NET1: variants seen among roughly 807,000 people sequenced by gnomAD.
The protein encoded by NET1 is neuroepithelial cell-transforming gene 1 protein.
In NET1, 42 loss-of-function variants were observed where a neutral mutation model predicts 61.1. That is an observed-to-expected ratio of 0.69 (90% CI 0.54 to 0.89). NET1 has a LOEUF of 0.89. Ranked by LOEUF, NET1 falls within the 40% of genes least tolerant of loss-of-function variation. The pLI is 0.00. For missense variants in NET1, 654 were observed against 747.3 expected, an observed-to-expected ratio of 0.88 and a Z score of 1.46; for synonymous variants, 254 against 281.8, an observed-to-expected ratio of 0.90 and a Z score of 0.99.
rs755619787 is a variant in NET1, at chr10:5,412,779, G to C, written c.87G>C (p.Thr29=). ...CTGGGCTCAGCACGGAGGGAGCGAC[G>C]GGGCCTTCGGCCGACACCTCCGGGT... ...RASGLSTEGA[T]GPSADTSGSE... Residue 29 remains threonine (T), a synonymous_variant, in exon 1 of 12, where the codon ACG becomes ACC. Coordinates refer to ENST00000355029, the MANE Select transcript of NET1 (RefSeq NM_001047160.3). The surrounding 1 kb of genome is among the most constrained non-coding windows in gnomAD (Gnocchi z 6.5). The C allele has an allele frequency of 1.2e-5, 17 of 1,460,014 alleles. No individual in the cohort carries two copies. Among genetic ancestry groups the C allele is most frequent in the African/African-American group, 5.9e-5 (4 of 67,550 alleles). 90.4% of individuals were successfully genotyped at this position (1,460,014 alleles called of 1,614,324 possible).
Position 5,449,341 on chromosome 10 carries a change from G to T in NET1, c.256-2489G>T, listed in dbSNP as rs1278241279. On this transcript the variant is annotated intron_variant, in intron 3 of 11. Coordinates refer to ENST00000355029, the MANE Select transcript of NET1 (RefSeq NM_001047160.3). The surrounding 1 kb of genome is among the most constrained non-coding windows in gnomAD (Gnocchi z 4.4). ...ATCATCCCCAAAAGCATGTGAAAAA[G>T]TGCAAAGTGCCCTCCTCCTTTCTCT... Among the ~76,000 whole-genome samples the T allele has an allele frequency of 6.6e-6, 1 of 152,086 alleles. No homozygotes were observed. The highest frequency in any genetic ancestry group is 1.5e-5 in the Non-Finnish European group (1 of 68,018).
At chr10:5,434,488 C>T (rs567436054) in intron 3 of NET1, among the ~76,000 whole-genome samples, 52 of 152,262 alleles carry the variant, frequency 3.4e-4, no homozygotes, top group Middle Eastern at 3.4e-3. Context: ...TATTCTGAGA[C>T]TAGTATGCCA....
chr10:5,456,510 A>G lies in NET1; in HGVS notation c.1385-78A>G. 2 of 1,370,678 alleles carry G rather than the reference A, an allele frequency of 1.5e-6. No homozygotes were observed. Among genetic ancestry groups the G allele is most frequent in the Non-Finnish European group, 2.0e-6 (2 of 1,005,788 alleles). 84.9% of individuals were successfully genotyped at this position (1,370,678 alleles called of 1,614,324 possible). On this transcript the variant is annotated intron_variant, in intron 11 of 11. Coordinates refer to ENST00000355029, the MANE Select transcript of NET1 (RefSeq NM_001047160.3). This position sits in a 1 kb window ranked among gnomAD's most constrained non-coding sequence, Gnocchi z 7.0. ...ATTGCCATAAATTGACAGTCACGTT[A>G]AGATTGTATGACCACTTTGTCTAGA...
intron 1 of NET1, among the ~76,000 whole-genome samples, chr10:5,425,517 A>G (rs1445286464): frequency 6.6e-6 from 1 of 152,234 alleles, no homozygotes; most frequent in East Asian, 1.9e-4. Context: ...AATAACTGCC[A>G]GCTTCCTAAT....
At position 5,458,769 on chromosome 10, in the gene NET1, C is replaced by T. The variant is rs1299480552; in HGVS notation, c.*1775C>T. ...ATTTCAGATTTTAATGTAAGTACCT[C>T]AGGTTCTTGTCTTTGGAAATTCACA... On this transcript the variant is annotated 3_prime_UTR_variant, in exon 12 of 12. Coordinates refer to ENST00000355029, the MANE Select transcript of NET1 (RefSeq NM_001047160.3). This position sits in a 1 kb window ranked among gnomAD's most constrained non-coding sequence, Gnocchi z 4.5. 6.6e-6 allele frequency among the ~76,000 whole-genome samples: 1 copy of T among 152,158 alleles called. No individual in the cohort carries two copies. Among genetic ancestry groups the T allele is most frequent in the African/African-American group, 2.4e-5 (1 of 41,432 alleles).
chr10:5,450,071 CA>C (rs1832680639), intron 3 of NET1, among the ~76,000 whole-genome samples: 2 of 152,186 alleles, frequency 1.3e-5, no homozygotes, highest in Non-Finnish European at 2.9e-5. Flanking sequence ...GTGTGTCAGT[CA>C]GTCAGCACAG....
intron 3 of NET1, among the ~76,000 whole-genome samples, chr10:5,436,240 ATATATATATTTTTT>A (rs1644557278): frequency 4.3e-5 from 1 of 23,316 alleles, no homozygotes; most frequent in Non-Finnish European, 9.4e-5. Context: ...ATATATATAT[ATATATATATTTTTT>A]TTTTTTTTTT....
In NET1 at chr10:5,423,758, CCCA is replaced by C. The variant is rs1381824360; in HGVS notation, c.129-2895_129-2893del. 2.0e-5 allele frequency among the ~76,000 whole-genome samples: 3 copies of C among 151,982 alleles called. No homozygotes were observed. In the South Asian group the frequency reaches 6.2e-4, roughly 32 times the overall value. On this transcript the variant is annotated intron_variant, in intron 1 of 11. Coordinates refer to ENST00000355029, the MANE Select transcript of NET1 (RefSeq NM_001047160.3). The surrounding 1 kb of genome is among the most constrained non-coding windows in gnomAD (Gnocchi z 4.4). ...AATGTTTTATGAAATCATTTTTTTCCCCACAAGGATTTAAAATAGCTATTACAT... is the reference window on the plus strand; with the variant it reads ...AATGTTTTATGAAATCATTTTTTTCCCAAGGATTTAAAATAGCTATTACAT...
chr10:5,422,045 T>C lies in NET1; in HGVS notation c.129-4610T>C, dbSNP rs1472333834. ...GATAATGCTGCTATGAACATTTGCA[T>C]GTAAGTCTTAGTGTAGGCTGGGCGC... On this transcript the variant is annotated intron_variant, in intron 1 of 11. Transcript: ENST00000355029. The surrounding 1 kb of genome is among the most constrained non-coding windows in gnomAD (Gnocchi z 4.1). Among the ~76,000 whole-genome samples the C allele has an allele frequency of 1.3e-5, 2 of 152,246 alleles. No individual in the cohort carries two copies. The highest frequency in any genetic ancestry group is 6.5e-5 in the Admixed American group (1 of 15,284).
rs1009375485 is a variant in NET1 at position 5,423,280 on chromosome 10, G to C, written c.129-3375G>C. Among the ~76,000 whole-genome samples the C allele has an allele frequency of 2.0e-5, 3 of 152,050 alleles. No individual in the cohort carries two copies. Among genetic ancestry groups the C allele is most frequent in the Non-Finnish European group, 4.4e-5 (3 of 67,976 alleles). ...TGAAAATATTTATAATTTCAGGTCA[G>C]GTCTTATCTGGCATGATGGAGGAGG... On this transcript the variant is annotated intron_variant, in intron 1 of 11. Transcript: ENST00000355029. This position sits in a 1 kb window ranked among gnomAD's most constrained non-coding sequence, Gnocchi z 4.4.
In NET1 at chr10:5,412,611, C is replaced by G; in HGVS notation, c.-82C>G. 1.4e-6 allele frequency: 2 copies of G among 1,390,030 alleles called. No homozygotes were observed. The highest frequency in any genetic ancestry group is 1.9e-6 in the Non-Finnish European group (2 of 1,073,694). 86.1% of individuals were successfully genotyped at this position (1,390,030 alleles called of 1,614,324 possible). A position where few individuals can be genotyped will look rare whatever the true frequency, so the allele number is the denominator to read the frequency against. On this transcript the variant is annotated 5_prime_UTR_variant, in exon 1 of 12. Transcript: ENST00000355029. The surrounding 1 kb of genome is among the most constrained non-coding windows in gnomAD (Gnocchi z 6.5). The stretch of plus-strand genomic sequence containing the variant: ...CAGTCCGCTGACAGGCGCTTTCTGC[C>G]TGGCAGAGGCTGGCGGGCATCGTGC...
At position 5,453,724 on chromosome 10, in the gene NET1, T is replaced by TA. The variant is rs200149854; in HGVS notation, c.768+179dup. 3.4e-3 allele frequency among the ~76,000 whole-genome samples: 476 copies of TA among 139,648 alleles called. 3 individuals carry two copies. The highest frequency in any genetic ancestry group is 7.5e-3 in the Middle Eastern group (2 of 268). The allele number at this position is 139,648 out of a possible 152,430, so 91.6% of individuals were successfully genotyped here. ...GTGACATAAGAAGTTACAGTCTGTT[T>TA]AAAAAAAAAAAAAAACACCTTCATT... On this transcript the variant is annotated intron_variant, in intron 8 of 11. Transcript: ENST00000355029. This position sits in a 1 kb window ranked among gnomAD's most constrained non-coding sequence, Gnocchi z 4.9.
At position 5,457,007 on chromosome 10, in the gene NET1, G is replaced by C; in HGVS notation, c.*13G>C. ...GACTTTGGTGTAGAGAAGGCTCTGTGTGTTAACTGATGGGAGAGACTGTTT... is the reference window on the plus strand; with the variant it reads ...GACTTTGGTGTAGAGAAGGCTCTGTCTGTTAACTGATGGGAGAGACTGTTT... On this transcript the variant is annotated 3_prime_UTR_variant, in exon 12 of 12. Transcript: ENST00000355029. This position sits in a 1 kb window ranked among gnomAD's most constrained non-coding sequence, Gnocchi z 5.4. 1 of 1,526,032 alleles carries C rather than the reference G, an allele frequency of 6.6e-7. No homozygotes were observed. The highest frequency in any genetic ancestry group is 1.8e-4 in the Middle Eastern group (1 of 5,654). 94.5% of individuals were successfully genotyped at this position (1,526,032 alleles called of 1,614,324 possible).
At chr10:5,419,915 G>A (rs901785451) in intron 1 of NET1, among the ~76,000 whole-genome samples, 1 of 151,924 alleles carries the variant, frequency 6.6e-6, no homozygotes, top group African/African-American at 2.4e-5. Context: ...AATAACAAGT[G>A]TTTTTTTCTC....
rs1161552584 is a variant in NET1, at chr10:5,456,952, C to T, written c.1749C>T (p.Asp583=). ...QTQPGIRRAR[D]KALSGGKRKE... The stretch of plus-strand genomic sequence containing the variant: ...AGCCCGGCATCCGAAGAGCGAGGGA[C>T]AAAGCCCTTTCTGGTGGCAAACGGA... Residue 583 remains aspartate (D), a synonymous_variant, in exon 12 of 12, where the codon GAC becomes GAT. Transcript: ENST00000355029. The surrounding 1 kb of genome is among the most constrained non-coding windows in gnomAD (Gnocchi z 7.0). The T allele has an allele frequency of 1.3e-6, 2 of 1,588,334 alleles. No homozygotes were observed. Among genetic ancestry groups the T allele is most frequent in the South Asian group, 1.1e-5 (1 of 87,736 alleles).
chr10:5,436,184 TGTTGTG>T (rs1260285675), intron 3 of NET1, among the ~76,000 whole-genome samples: 4 of 58,740 alleles, frequency 6.8e-5, no homozygotes, highest in Middle Eastern at 0.012. Context: ...TGTGTGTGTG[TGTTGTG>T]TGTGTGTGTG....
Position 5,431,062 on chromosome 10 carries a change from G to A in NET1, c.255+1833G>A, listed in dbSNP as rs1194181966. Among the ~76,000 whole-genome samples, 15 of 151,462 alleles carry A rather than the reference G, an allele frequency of 9.9e-5. No individual in the cohort carries two copies. The East Asian group carries it at 2.3e-3, about 24-fold the overall frequency. On this transcript the variant is annotated intron_variant, in intron 3 of 11. Coordinates refer to ENST00000355029, the MANE Select transcript of NET1 (RefSeq NM_001047160.3). This position sits in a 1 kb window ranked among gnomAD's most constrained non-coding sequence, Gnocchi z 4.9. Reference sequence around the variant, plus strand: ...AATTTTTTGTATTTTCAGTAGAGACGGGGTTTCACCGTGTTAGCCAGGATG... The same window carrying A: ...AATTTTTTGTATTTTCAGTAGAGACAGGGTTTCACCGTGTTAGCCAGGATG...
Position 5,446,392 on chromosome 10 carries a change from T to C in NET1, c.256-5438T>C, listed in dbSNP as rs1156310510. Among the ~76,000 whole-genome samples the C allele has an allele frequency of 6.6e-6, 1 of 152,194 alleles. No homozygotes were observed. Among genetic ancestry groups the C allele is most frequent in the African/African-American group, 2.4e-5 (1 of 41,434 alleles). On this transcript the variant is annotated intron_variant, in intron 3 of 11. Coordinates refer to ENST00000355029, the MANE Select transcript of NET1 (RefSeq NM_001047160.3). This position sits in a 1 kb window ranked among gnomAD's most constrained non-coding sequence, Gnocchi z 5.0. Reference sequence around the variant, plus strand: ...GCACCAGAGTAGATAACGTAACAATTTGTTTTACTTCGGGAATGCATTTTA... The same window carrying C: ...GCACCAGAGTAGATAACGTAACAATCTGTTTTACTTCGGGAATGCATTTTA...
In NET1 at chr10:5,456,081, C is replaced by A. The variant is rs771205116; in HGVS notation, c.1198-6C>A. Reference sequence around the variant, plus strand: ...CCTATTTAGCGTTTGTTTCCCATTTCTCCAGAAACTTTACATTTTCCTGTT... The same window carrying A: ...CCTATTTAGCGTTTGTTTCCCATTTATCCAGAAACTTTACATTTTCCTGTT... On this transcript the variant is annotated splice_polypyrimidine_tract_variant and splice_region_variant and intron_variant, in intron 10 of 11. Coordinates refer to ENST00000355029, the MANE Select transcript of NET1 (RefSeq NM_001047160.3). This position sits in a 1 kb window ranked among gnomAD's most constrained non-coding sequence, Gnocchi z 7.0. 2 of 1,606,132 alleles carry A rather than the reference C, an allele frequency of 1.2e-6. No individual in the cohort carries two copies. Among genetic ancestry groups the A allele is most frequent in the Middle Eastern group, 1.7e-4 (1 of 6,040 alleles).
Sources: gnomAD v4.1 joint callset for allele counts (sites outside exome capture counted in the v4.1 genomes callset) on GRCh38, gnomAD v4.1.1 for gene constraint, Gnocchi (gnomAD v3.1) non-coding constraint, MANE v1.5 for transcripts, NCBI Gene and HGNC (gene_info 2026-07-23, HGNC 2026-07-21) for gene names.